The following ICMT variants were observed in gnomAD, a reference collection of about 807,000 sequenced individuals.
ICMT encodes the protein isoprenylcysteine carboxyl methyltransferase, also known as protein-S-isoprenylcysteine O-methyltransferase.
Under a neutral mutation model 32.2 loss-of-function variants are expected in ICMT, and 10 were observed. The observed-to-expected ratio is 0.31, with a 90% CI of 0.19 to 0.53. ICMT has a LOEUF of 0.53. Ranked by LOEUF, ICMT falls within the 20% of genes least tolerant of loss-of-function variation. ICMT has a pLI of 0.96. For synonymous variants in ICMT, 183 were observed against 158.2 expected, an observed-to-expected ratio of 1.16 and a Z score of -1.18; for missense variants, 265 against 356.9, an observed-to-expected ratio of 0.74 and a Z score of 2.07.
intron 4 of ICMT, among the ~76,000 whole-genome samples, chr1:6,230,586 TAAAAA>T (rs34068915): frequency 2.9e-5 from 3 of 104,334 alleles, no homozygotes; most frequent in Admixed American, 1.1e-4. Context: ...ATCCTGTCTT[TAAAAA>T]AAAAAAAAAA....
At chr1:6,233,810 A>C (rs1668773375) in intron 2 of ICMT, among the ~76,000 whole-genome samples, 167 bp from the exon 3 acceptor site, 1 of 152,130 alleles carries the variant, frequency 6.6e-6, no homozygotes. Context: ...CAGGTTTGCA[A>C]AAAGTGGAGT....
At chr1:6,230,714 C>A (rs1668721213) in intron 4 of ICMT, among the ~76,000 whole-genome samples, 1 of 151,494 alleles carries the variant, frequency 6.6e-6, no homozygotes, top group Non-Finnish European at 1.5e-5. Flanking sequence ...ACAGTCAAAC[C>A]TCATCTCTAC....
At chr1:6,234,782 C>A (rs1668791605) in intron 2 of ICMT, 104 bp downstream of exon 2, 1 of 875,204 alleles carries the variant, frequency 1.1e-6, no homozygotes, top group South Asian at 1.4e-5. Flanking sequence ...CCCTGAACAG[C>A]CTTCTGCCGG....
At chr1:6,233,282 G>A (rs549929351) in intron 3 of ICMT, among the ~76,000 whole-genome samples, 192 bp downstream of exon 3, 35 of 152,378 alleles carry the variant, frequency 2.3e-4, no homozygotes, top group Middle Eastern at 3.4e-3. Context: ...AGGTCAGCAC[G>A]TCCTCGAGTC....
chr1:6,226,380 C>T (rs1034444285), intron 4 of ICMT, among the ~76,000 whole-genome samples: 2 of 152,020 alleles, frequency 1.3e-5, no homozygotes, highest in East Asian at 1.9e-4. Flanking sequence ...GGCGACAGAG[C>T]GAAACTCCCT....
chr1:6,224,573 A>G lies in ICMT; in HGVS notation c.*507T>C, dbSNP rs1338331344. ...TATGAGGAAGTATTTTTAAAATTGT[A>G]TAGATGTTCATGCAGTGGGGGACAG... On this transcript the variant is annotated 3_prime_UTR_variant, in exon 5 of 5. Coordinates refer to ENST00000343813, the MANE Select transcript of ICMT (RefSeq NM_012405.4). 1 of 152,900 alleles carries G rather than the reference A, an allele frequency of 6.5e-6. No homozygotes were observed. Among genetic ancestry groups the G allele is most frequent in the African/African-American group, 2.4e-5 (1 of 41,472 alleles). 9.5% of individuals were successfully genotyped at this position (152,900 alleles called of 1,614,324 possible).
Position 6,235,875 on chromosome 1 carries a change from C to T in ICMT, c.37G>A (p.Glu13Lys). ...GCAARAPPGS[E>K]ARLSLATFLL... ...AAGGTGGCGAGGCTGAGACGCGCCT[C>T]AGAGCCCGGCGGAGCCCGCGCCGCG... The change falls in exon 1 of 5, where the codon GAG becomes AAG. Residue 13 changes from glutamate to lysine, a missense_variant. Glu to Lys is a moderately conservative substitution (Grantham distance 56). Coordinates refer to ENST00000343813, the MANE Select transcript of ICMT (RefSeq NM_012405.4). 8.6e-7 allele frequency: 1 copy of T among 1,159,008 alleles called. No individual in the cohort carries two copies. Among genetic ancestry groups the T allele is most frequent in the South Asian group, 3.4e-5 (1 of 29,526 alleles). 71.8% of individuals were successfully genotyped at this position (1,159,008 alleles called of 1,614,324 possible).
rs1668744773 is a variant in ICMT at position 6,231,931 on chromosome 1, C to T, written c.643G>A (p.Gly215Arg). ...YAWFRHPSYV[G>R]WFYWSIGTQV... ...GTTCCAATACTCCAGTAAAACCACCCGACGTAAGAAGGATGCCGAAACCAA... is the reference window on the plus strand; with the variant it reads ...GTTCCAATACTCCAGTAAAACCACCTGACGTAAGAAGGATGCCGAAACCAA... The change falls in exon 4 of 5, where the codon GGG becomes AGG. Residue 215 changes from glycine to arginine, a missense_variant. Physicochemically the swap from Gly to Arg is moderately radical, Grantham distance 125. Coordinates refer to ENST00000343813, the MANE Select transcript of ICMT (RefSeq NM_012405.4). 1.3e-6 allele frequency: 2 copies of T among 1,589,492 alleles called. No homozygotes were observed. Among genetic ancestry groups the T allele is most frequent in the Non-Finnish European group, 1.7e-6 (2 of 1,162,012 alleles).
At chr1:6,233,048 G>A (rs1429904376) in intron 3 of ICMT, among the ~76,000 whole-genome samples, 1 of 151,622 alleles carries the variant, frequency 6.6e-6, no homozygotes, top group African/African-American at 2.4e-5. Flanking sequence ...TAGAGACGGG[G>A]TTTCACCATA....
chr1:6,225,165 T>G lies in ICMT; in HGVS notation c.770A>C (p.His257Pro). ...CTCCAGGTACTCCTCTCCAAAAAAGTGAATTAGTGAGATTTCTTCTTCTTC... is the reference window on the plus strand; with the variant it reads ...CTCCAGGTACTCCTCTCCAAAAAAGGGAATTAGTGAGATTTCTTCTTCTTC... ...RTEEEEISLI[H>P]FFGEEYLEYK... is the part of the protein sequence containing the mutation. Residue 257 changes from histidine to proline, a missense_variant, in exon 5 of 5, where the codon CAC (histidine) becomes CCC (proline). His to Pro is a moderately conservative substitution (Grantham distance 77). Around this residue, in one of 2 missense-constraint regions of ICMT, gnomAD observed 166 missense variants for 264.3 expected, o/e 0.63. Coordinates refer to ENST00000343813, the MANE Select transcript of ICMT (RefSeq NM_012405.4). The G allele has an allele frequency of 6.2e-7, 1 of 1,614,086 alleles. No homozygotes were observed. The highest frequency in any genetic ancestry group is 8.5e-7 in the Non-Finnish European group (1 of 1,180,014).
At chr1:6,230,274 C>T (rs1240552350) in intron 4 of ICMT, among the ~76,000 whole-genome samples, 1 of 152,120 alleles carries the variant, frequency 6.6e-6, no homozygotes, top group South Asian at 2.1e-4. Context: ...GCCACCAGGC[C>T]CAACTAATTT....
intron 4 of ICMT, among the ~76,000 whole-genome samples, chr1:6,226,607 G>C (rs1369786860): frequency 6.6e-6 from 1 of 152,098 alleles, no homozygotes; most frequent in Non-Finnish European, 1.5e-5. Context: ...CTCATGTCCT[G>C]ACCTCTCACA....
At chr1:6,231,735 G>A (rs138989986) in intron 4 of ICMT, among the ~76,000 whole-genome samples, 167 bp downstream of exon 4, 191 of 151,776 alleles carry the variant, frequency 1.3e-3, no homozygotes, top group African/African-American at 4.4e-3. Flanking sequence ...AACGCGCCAA[G>A]AAGAACATGT....
Position 6,225,036 on chromosome 1 carries a change from C to G in ICMT, c.*44G>C. On this transcript the variant is annotated 3_prime_UTR_variant, in exon 5 of 5. Coordinates refer to ENST00000343813, the MANE Select transcript of ICMT (RefSeq NM_012405.4). ...CAACCGGAAACAGTTTTGTCCCAGG[C>G]TGCACAGGGTCGGAGGCCCCAAGGT... 6.5e-7 allele frequency: 1 copy of G among 1,538,314 alleles called. No homozygotes were observed. Among genetic ancestry groups the G allele is most frequent in the Non-Finnish European group, 8.8e-7 (1 of 1,130,612 alleles).
intron 4 of ICMT, among the ~76,000 whole-genome samples, chr1:6,226,642 T>C (rs1467023895): frequency 2.0e-5 from 3 of 152,238 alleles, no homozygotes; most frequent in African/African-American, 7.2e-5. Context: ...GCACTTACTA[T>C]GTTCCCAGCG....
At chr1:6,230,846 G>A (rs1175016639) in intron 4 of ICMT, among the ~76,000 whole-genome samples, 2 of 144,628 alleles carry the variant, frequency 1.4e-5, no homozygotes, top group African/African-American at 5.2e-5. Flanking sequence ...CTGAGATCAT[G>A]CCACTGCACT....
At position 6,225,340 on chromosome 1, in the gene ICMT, T is replaced by C; in HGVS notation, c.673-78A>G. The C allele has an allele frequency of 5.9e-6, 8 of 1,366,168 alleles. 1 individual carries two copies. In the South Asian group the frequency reaches 9.2e-5, roughly 16 times the overall value. The allele number at this position is 1,366,168 out of a possible 1,614,324, so 84.6% of individuals were successfully genotyped here. On this transcript the variant is annotated intron_variant, in intron 4 of 4. Transcript: ENST00000343813. ...TGCTTTGGTAGGCGTCTGTCTCTAA[T>C]ACCCAGAGGATTTCTGTGCCCATGC...
Position 6,235,883 on chromosome 1 carries a change from G to A in ICMT, c.29C>T (p.Pro10Leu), listed in dbSNP as rs868744077. 2.6e-5 allele frequency: 30 copies of A among 1,141,414 alleles called. No individual in the cohort carries two copies. In the South Asian group the frequency reaches 9.5e-4, roughly 36 times the overall value. 70.7% of individuals were successfully genotyped at this position (1,141,414 alleles called of 1,614,324 possible). A position where few individuals can be genotyped will look rare whatever the true frequency, so the allele number is the denominator to read the frequency against. The stretch of plus-strand genomic sequence containing the variant: ...GAGGCTGAGACGCGCCTCAGAGCCC[G>A]GCGGAGCCCGCGCCGCGCAGCCCGC... The part of the protein sequence containing the change: MAGCAARAP[P>L]GSEARLSLAT... Residue 10 changes from proline (P) to leucine (L), a missense_variant, in exon 1 of 5, where the codon CCG becomes CTG. Pro to Leu is a moderately conservative substitution (Grantham distance 98, BLOSUM62 -3). Around this residue, in one of 2 missense-constraint regions of ICMT, gnomAD observed 99 missense variants for 92.6 expected, o/e 1.07. Transcript: ENST00000343813.
intron 4 of ICMT, among the ~76,000 whole-genome samples, chr1:6,229,218 T>A (rs1304036005): frequency 6.6e-6 from 1 of 151,950 alleles, no homozygotes; most frequent in East Asian, 1.9e-4. Flanking sequence ...GTGGCTCATG[T>A]CTGTAATCCC....
Sources: allele counts gnomAD v4.1 joint callset (sites outside exome capture counted in the v4.1 genomes callset), GRCh38; gene constraint gnomAD v4.1.1; regional missense constraint gnomAD v4.1.1; transcripts MANE v1.5; gene names NCBI Gene and HGNC (gene_info 2026-07-23, HGNC 2026-07-21).